The following PTPN13 variants were observed in gnomAD, a reference collection of about 807,000 sequenced individuals.
PTPN13 encodes protein tyrosine phosphatase non-receptor type 13, also known as tyrosine-protein phosphatase non-receptor type 13.
A neutral mutation model predicts 284.0 loss-of-function variants in PTPN13; 191 were observed. That is an observed-to-expected ratio of 0.67 (90% confidence interval 0.60 to 0.76). The LOEUF (loss-of-function observed/expected upper bound fraction) is 0.76, where lower values mean the gene tolerates loss of function less well. PTPN13 is among the 30% of genes least tolerant of loss of function. The probability of loss-of-function intolerance (pLI) is 0.00; values close to 1 mark genes in which losing one functional copy is unlikely to be tolerated. For missense variants in PTPN13, 2,797 were observed against 2,939.9 expected, an observed-to-expected ratio of 0.95 and a Z score of 1.12; for synonymous variants, 986 against 1,022.3, an observed-to-expected ratio of 0.96 and a Z score of 0.68.
intron 45 of PTPN13, among the ~76,000 whole-genome samples, chr4:86,809,327 G>A (rs1285737517): frequency 6.6e-6 from 1 of 152,172 alleles, no homozygotes; most frequent in East Asian, 1.9e-4. Flanking sequence ...TCTTAATAGA[G>A]CCATTTAGTT....
At chr4:86,704,064 G>A (rs1039479510) in intron 7 of PTPN13, among the ~76,000 whole-genome samples, 2 of 152,074 alleles carry the variant, frequency 1.3e-5, no homozygotes, top group Non-Finnish European at 2.9e-5. Flanking sequence ...TGTAATCCCA[G>A]CTACTTGGGA....
chr4:86,732,634 A>C lies in PTPN13; in HGVS notation c.1726A>C (p.Ile576Leu), dbSNP rs368339010. 3.1e-6 allele frequency: 5 copies of C among 1,613,672 alleles called. No homozygotes were observed. Among genetic ancestry groups the C allele is most frequent in the Non-Finnish European group, 3.4e-6 (4 of 1,179,684 alleles). The change falls in exon 12 of 48, where the codon ATA becomes CTA. Residue 576 changes from isoleucine to leucine, a missense_variant. Transcript: ENST00000411767. ...TGAGGATAACCGAAGGAAAGTAAACATAATGCTTCTGAACGGGCAAAGACT... is the reference window on the plus strand; with the variant it reads ...TGAGGATAACCGAAGGAAAGTAAACCTAATGCTTCTGAACGGGCAAAGACT... ...KNEDNRRKVN[I>L]MLLNGQRLEL...
chr4:86,632,968 C>T (rs987905046), intron 1 of PTPN13, among the ~76,000 whole-genome samples: 12 of 151,870 alleles, frequency 7.9e-5, no homozygotes, highest in South Asian at 2.1e-4. Flanking sequence ...CCACCATGCC[C>T]GGCTGATTTT....
intron 20 of PTPN13, among the ~76,000 whole-genome samples, chr4:86,757,612 A>G (rs748579917): frequency 6.6e-5 from 10 of 151,906 alleles, no homozygotes; most frequent in Non-Finnish European, 1.2e-4. Context: ...CAAAAATAAA[A>G]AATTAGCTGG....
intron 1 of PTPN13, among the ~76,000 whole-genome samples, chr4:86,614,002 A>G (rs1333925155): frequency 6.6e-6 from 1 of 152,132 alleles, no homozygotes; most frequent in African/African-American, 2.4e-5. Context: ...AGAGTTGTGT[A>G]TTTTTCTAAC....
intron 3 of PTPN13, among the ~76,000 whole-genome samples, chr4:86,685,596 A>G (rs1210199017): frequency 3.3e-5 from 5 of 152,190 alleles, no homozygotes; most frequent in African/African-American, 1.2e-4. Context: ...TGGGCAACAG[A>G]GAGAGATCCT....
intron 7 of PTPN13, among the ~76,000 whole-genome samples, chr4:86,707,642 A>G (rs1485220870): frequency 6.6e-6 from 1 of 151,448 alleles, no homozygotes; most frequent in African/African-American, 2.4e-5. Context: ...AGATATATAT[A>G]TTTTTTCAAA....
chr4:86,811,336 C>G (rs1745195548), intron 47 of PTPN13, among the ~76,000 whole-genome samples: 1 of 152,082 alleles, frequency 6.6e-6, no homozygotes, highest in South Asian at 2.1e-4. Flanking sequence ...AATGCAATAT[C>G]TGCACTGAAG....
chr4:86,749,366 T>C (rs1027852971), intron 17 of PTPN13, among the ~76,000 whole-genome samples: 4 of 152,120 alleles, frequency 2.6e-5, no homozygotes, highest in Non-Finnish European at 5.9e-5. Context: ...GGAGACATTT[T>C]CTTTATAAAA....
At chr4:86,607,885 A>G (rs1042045170) in intron 1 of PTPN13, among the ~76,000 whole-genome samples, 2 of 152,054 alleles carry the variant, frequency 1.3e-5, no homozygotes, top group African/African-American at 4.8e-5. Flanking sequence ...CTGTTGAGTA[A>G]AGTAAAGATA....
intron 2 of PTPN13, among the ~76,000 whole-genome samples, chr4:86,650,886 C>A (rs909404084): frequency 2.0e-5 from 3 of 152,242 alleles, no homozygotes; most frequent in Admixed American, 1.3e-4. Context: ...TTGACTTCTT[C>A]TTTTCCAATT....
intron 26 of PTPN13, 111 bp downstream of exon 26, chr4:86,765,599 TACTC>T (rs970325362): frequency 5.8e-5 from 41 of 704,100 alleles, no homozygotes; most frequent in Admixed American, 3.3e-4. Context: ...AATAAGAACA[TACTC>T]AATTATAAAA....
intron 1 of PTPN13, among the ~76,000 whole-genome samples, chr4:86,603,245 A>G (rs1171045389): frequency 6.6e-6 from 1 of 152,200 alleles, no homozygotes; most frequent in South Asian, 2.1e-4. Context: ...TAATTAGAAA[A>G]GAAGATTCCA....
chr4:86,641,594 G>A (rs1369167396), intron 2 of PTPN13, among the ~76,000 whole-genome samples: 2 of 152,182 alleles, frequency 1.3e-5, no homozygotes, highest in African/African-American at 4.8e-5. Context: ...CTTGTTGAAA[G>A]ACACCATCTT....
intron 10 of PTPN13, 63 bp downstream of exon 10, chr4:86,722,497 G>A (rs1162346120): frequency 2.8e-6 from 4 of 1,416,920 alleles, no homozygotes; most frequent in South Asian, 1.2e-5. Flanking sequence ...CTTGGGCAAA[G>A]TACTTTTAAA....
At position 86,785,899 on chromosome 4, in the gene PTPN13, A is replaced by T. The variant is rs1201427642; in HGVS notation, c.6308A>T (p.Asp2103Val). The change falls in exon 40 of 48, where the codon GAC becomes GTC. Residue 2103 changes from aspartate to valine, a missense_variant. By Grantham distance (152) the Asp-to-Val change is radical. Coordinates refer to ENST00000411767, the MANE Select transcript of PTPN13 (RefSeq NM_080683.3). Reference sequence around the variant, plus strand: ...TCAGAAGAGAGAACAGAAGATACAGACTGCGATGGTTCACCTTTACCTGAG... The same window carrying T: ...TCAGAAGAGAGAACAGAAGATACAGTCTGCGATGGTTCACCTTTACCTGAG... ...KLSEERTEDT[D>V]CDGSPLPEYF... The T allele has an allele frequency of 6.4e-7, 1 of 1,566,688 alleles. No individual in the cohort carries two copies. The highest frequency in any genetic ancestry group is 8.7e-7 in the Non-Finnish European group (1 of 1,153,766).
At chr4:86,632,193 A>G (rs1377039196) in intron 1 of PTPN13, among the ~76,000 whole-genome samples, 2 of 152,074 alleles carry the variant, frequency 1.3e-5, no homozygotes, top group East Asian at 1.9e-4. Context: ...ATATTAATCA[A>G]CCTTTCAATG....
At chr4:86,810,603 A>C (rs1030468840) in intron 46 of PTPN13, among the ~76,000 whole-genome samples, 3 of 152,210 alleles carry the variant, frequency 2.0e-5, no homozygotes, top group Non-Finnish European at 4.4e-5. Context: ...TTTACACACT[A>C]GCTGTAGTAA....
At chr4:86,752,982 A>G (rs1177159802) in intron 19 of PTPN13, 27 bp from the exon 20 acceptor site, 1 of 1,540,120 alleles carries the variant, frequency 6.5e-7, no homozygotes, top group African/African-American at 1.4e-5. Flanking sequence ...ATCTTATGAA[A>G]TGTCTAATAT....
Sources: gnomAD v4.1 joint callset for allele counts (sites outside exome capture counted in the v4.1 genomes callset) on GRCh38, gnomAD v4.1.1 for gene constraint, MANE v1.5 for transcripts, NCBI Gene and HGNC (gene_info 2026-07-23, HGNC 2026-07-21) for gene names.